Variants in MYO5A observed in about 807,000 individuals in gnomAD.
MYO5A encodes myosin VA.
In MYO5A, 98 loss-of-function variants were observed where a neutral mutation model predicts 249.7. The ratio of observed to expected loss-of-function variants is 0.39; its 90% confidence interval spans 0.33 to 0.46. MYO5A has a LOEUF of 0.46. Among genes scored for constraint, MYO5A ranks in the 20% least tolerant of loss-of-function variants. MYO5A has a pLI of 0.98. For missense variants in MYO5A, 1,696 were observed against 2,308.8 expected (o/e 0.73, Z 5.44); for synonymous variants, 778 against 810.6 (o/e 0.96, Z 0.68).
At chr15:52,366,282 A>G (rs2040802538) in intron 23 of MYO5A, among the ~76,000 whole-genome samples, 1 of 152,052 alleles carries the variant, frequency 6.6e-6, no homozygotes, top group Non-Finnish European at 1.5e-5. Flanking sequence ...ACATATCTTT[A>G]TTGTTTTGTT....
At chr15:52,348,313 T>C (rs75488922) in intron 29 of MYO5A, among the ~76,000 whole-genome samples, 1 of 142,848 alleles carries the variant, frequency 7.0e-6, no homozygotes, top group African/African-American at 2.6e-5. Context: ...GAAACAGGGA[T>C]ATGGTAGAGA....
chr15:52,521,218 ACT>A (rs1483148254), intron 1 of MYO5A, among the ~76,000 whole-genome samples: 1 of 83,814 alleles, frequency 1.2e-5, no homozygotes, highest in African/African-American at 4.1e-5. Context: ...ACAGAGCGAG[ACT>A]CTGTCTCAAA....
intron 3 of MYO5A, 29 bp from the exon 4 acceptor site, chr15:52,426,003 A>C (rs201124459): frequency 1.1e-5 from 18 of 1,601,112 alleles, no homozygotes; most frequent in Admixed American, 6.7e-5. Flanking sequence ...ACAAGAAAGA[A>C]AAAGAAGTCA....
At chr15:52,433,723 A>C (rs779151124) in intron 1 of MYO5A, among the ~76,000 whole-genome samples, 19 of 152,070 alleles carry the variant, frequency 1.2e-4, no homozygotes, top group Admixed American at 3.3e-4. Flanking sequence ...CGTCCAGCTG[A>C]AATTTACTTT....
chr15:52,494,989 T>C (rs1014264175), intron 1 of MYO5A, among the ~76,000 whole-genome samples: 1 of 152,216 alleles, frequency 6.6e-6, no homozygotes, highest in Non-Finnish European at 1.5e-5. Context: ...TTCCTTCTAC[T>C]ATCTACAAGT....
chr15:52,435,793 C>A, intron 1 of MYO5A: 1 of 372,432 alleles, frequency 2.7e-6, no homozygotes. Context: ...CAAGTAGAGG[C>A]TAAAGCCCTC....
intron 1 of MYO5A, among the ~76,000 whole-genome samples, chr15:52,477,219 T>C (rs575833000): frequency 9.6e-4 from 146 of 152,380 alleles, no homozygotes; most frequent in Non-Finnish European, 1.8e-3. Flanking sequence ...CACGTAGTTC[T>C]TGTGCCATGG....
intron 5 of MYO5A, among the ~76,000 whole-genome samples, chr15:52,411,059 T>C (rs1250894466): frequency 6.6e-6 from 1 of 152,222 alleles, no homozygotes; most frequent in South Asian, 2.1e-4. Flanking sequence ...TAAAACCTTT[T>C]GGGTTATCTG....
Position 52,397,353 on chromosome 15 carries a change from C to T in MYO5A, c.1167G>A (p.Lys389=). Residue 389 remains lysine, a synonymous_variant, in exon 10 of 42, where the codon AAG becomes AAA. Transcript: ENST00000399233. Reference sequence around the variant, plus strand: ...TCGTGGCCTGCAGCTTGGAGATGGGCTTGATGTATGTCTCTGTGGCAGTAG... The same window carrying T: ...TCGTGGCCTGCAGCTTGGAGATGGGTTTGATGTATGTCTCTGTGGCAGTAG... ...KLATATETYI[K]PISKLQATNA... is the part of the protein sequence containing the mutation. The T allele has an allele frequency of 1.2e-6, 2 of 1,614,062 alleles. No individual in the cohort carries two copies. Among genetic ancestry groups the T allele is most frequent in the East Asian group, 2.2e-5 (1 of 44,854 alleles).
At chr15:52,490,384 C>T (rs1453872858) in intron 1 of MYO5A, among the ~76,000 whole-genome samples, 1 of 152,136 alleles carries the variant, frequency 6.6e-6, no homozygotes, top group East Asian at 1.9e-4. Context: ...GGTGTATTTA[C>T]TCAAAAGAAT....
In MYO5A at chr15:52,308,310, A is replaced by G. The variant is rs376525575; in HGVS notation, c.*5386T>C. ...TTCCTCATCTATTGAGAAATCTACTATAATTCAGGTTGGTTTATCTAATTT... is the reference window on the plus strand; with the variant it reads ...TTCCTCATCTATTGAGAAATCTACTGTAATTCAGGTTGGTTTATCTAATTT... On this transcript the variant is annotated 3_prime_UTR_variant, in exon 42 of 42. Coordinates refer to ENST00000399233, the MANE Select transcript of MYO5A (RefSeq NM_001382347.1). 2 of 152,232 alleles carry G rather than the reference A, an allele frequency of 1.3e-5. No individual in the cohort carries two copies. The highest frequency in any genetic ancestry group is 2.4e-5 in the African/African-American group (1 of 41,460). 9.4% of individuals were successfully genotyped at this position (152,232 alleles called of 1,614,324 possible).
At position 52,317,038 on chromosome 15, in the gene MYO5A, GT is replaced by G. The variant is rs1262998929; in HGVS notation, c.5409+9del. On this transcript the variant is annotated intron_variant, in intron 40 of 41. Transcript: ENST00000399233. The stretch of plus-strand genomic sequence containing the variant: ...GTTAAATTATTTTGTAACAGGGAAA[GT>G]TGCTCTACCTGGGCAGTAGTTAAAG... 6.2e-7 allele frequency: 1 copy of G among 1,610,920 alleles called. No homozygotes were observed. The highest frequency in any genetic ancestry group is 1.1e-5 in the South Asian group (1 of 91,030).
rs1596317826 is a variant in MYO5A at position 52,343,025 on chromosome 15, C to A, written c.4040+92G>T. 21 of 1,012,408 alleles carry A rather than the reference C, an allele frequency of 2.1e-5. No individual in the cohort carries two copies. The East Asian group carries it at 5.0e-4, about 24-fold the overall frequency. The allele number at this position is 1,012,408 out of a possible 1,614,324, so 62.7% of individuals were successfully genotyped here. On this transcript the variant is annotated intron_variant, in intron 31 of 41. Transcript: ENST00000399233. ...AATTTACCCAAGAAGACAATCAATGCACAAGAAATACAGGGGTGAAAGTCA... is the reference window on the plus strand; with the variant it reads ...AATTTACCCAAGAAGACAATCAATGAACAAGAAATACAGGGGTGAAAGTCA...
intron 11 of MYO5A, among the ~76,000 whole-genome samples, chr15:52,393,547 C>T (rs1203523699): frequency 6.6e-6 from 1 of 152,094 alleles, no homozygotes; most frequent in Non-Finnish European, 1.5e-5. Flanking sequence ...GCGTGTGCCA[C>T]CATGCCCAGC....
At chr15:52,361,732 T>C (rs1426043443) in intron 24 of MYO5A, among the ~76,000 whole-genome samples, 1 of 152,210 alleles carries the variant, frequency 6.6e-6, no homozygotes, top group Non-Finnish European at 1.5e-5. Flanking sequence ...AGCAACTTCC[T>C]TGTTGGTAAC....
chr15:52,363,650 T>A (rs1311914687), intron 24 of MYO5A, among the ~76,000 whole-genome samples: 1 of 152,198 alleles, frequency 6.6e-6, no homozygotes, highest in Non-Finnish European at 1.5e-5. Context: ...TGGCTTTTTA[T>A]GAGATATTTC....
At chr15:52,461,389 A>C (rs918298652) in intron 1 of MYO5A, among the ~76,000 whole-genome samples, 1 of 152,254 alleles carries the variant, frequency 6.6e-6, no homozygotes, top group Non-Finnish European at 1.5e-5. Flanking sequence ...TTAATAAACA[A>C]TAAATCATCT....
In MYO5A at chr15:52,469,964, A is replaced by G. The variant is rs568918888; in HGVS notation, c.28-36679T>C. 2.2e-4 allele frequency among the ~76,000 whole-genome samples: 33 copies of G among 152,344 alleles called. 1 individual carries two copies. In the East Asian group the frequency reaches 6.4e-3, roughly 29 times the overall value. On this transcript the variant is annotated intron_variant, in intron 1 of 41. Transcript: ENST00000399233. ...ACTCCCCACCCTTTTTGCCACATCC[A>G]TAATCTCTTTCATGATTTCCTTGAT...
At chr15:52,470,882 G>A (rs1567157099) in intron 1 of MYO5A, among the ~76,000 whole-genome samples, 2 of 151,890 alleles carry the variant, frequency 1.3e-5, no homozygotes, top group Non-Finnish European at 2.9e-5. Flanking sequence ...AATTAGCCGG[G>A]CATGGTGACA....
Sources: allele counts gnomAD v4.1 joint callset (sites outside exome capture counted in the v4.1 genomes callset), GRCh38; gene constraint gnomAD v4.1.1; transcripts MANE v1.5; gene names NCBI Gene and HGNC (gene_info 2026-07-23, HGNC 2026-07-21).